The following CUX2 variants were observed in gnomAD, a reference collection of about 807,000 sequenced individuals.
CUX2 encodes the protein cut like homeobox 2, also known as homeobox protein cut-like 2.
In CUX2, 40 loss-of-function variants were observed where a neutral mutation model predicts 144.8. That is an observed-to-expected ratio of 0.28 (90% confidence interval 0.21 to 0.36). CUX2 has a LOEUF of 0.36. Ranked by LOEUF, CUX2 falls within the 10% of genes least tolerant of loss-of-function variation. CUX2 has a pLI of 1.00. For synonymous variants in CUX2, 827 were observed against 875.6 expected (o/e 0.94, Z 0.98); for missense variants, 1,615 against 1,994.0 (o/e 0.81, Z 3.62).
chr12:111,141,941 G>A (rs1037379707), intron 1 of CUX2, among the ~76,000 whole-genome samples: 1 of 152,114 alleles, frequency 6.6e-6, no homozygotes, highest in Non-Finnish European at 1.5e-5. Context: ...AAAATTAGCA[G>A]GGCATGGTGG....
intron 16 of CUX2, among the ~76,000 whole-genome samples, chr12:111,316,582 TG>T (rs1378515156): frequency 3.3e-5 from 5 of 151,118 alleles, no homozygotes; most frequent in Non-Finnish European, 7.4e-5. Context: ...CCTGAGTAGC[TG>T]GGATTACAGG....
At chr12:111,317,003 CCT>C (rs2136390584) in intron 16 of CUX2, among the ~76,000 whole-genome samples, 1 of 152,330 alleles carries the variant, frequency 6.6e-6, no homozygotes, top group Non-Finnish European at 1.5e-5. Context: ...TTGCGTCTGG[CCT>C]CTTTCACTCA....
At position 111,334,630 on chromosome 12, in the gene CUX2, A is replaced by G. The variant is rs1032285112; in HGVS notation, c.3116A>G (p.Glu1039Gly). ...AGCCAGGCCCCAGGGGGCATCCAGG[A>G]GATCGTGGCCATGTCCCCCGAGCTG... is the stretch of plus-strand genomic sequence containing the variant. ...SGSQAPGGIQ[E>G]IVAMSPELDT... is the part of the protein sequence containing the mutation. Residue 1039 changes from glutamate (E) to glycine (G), a missense_variant, in exon 19 of 22, where the codon GAG (glutamate) becomes GGG (glycine). Transcript: ENST00000261726. 1 of 1,614,050 alleles carries G rather than the reference A, an allele frequency of 6.2e-7. No individual in the cohort carries two copies. The highest frequency in any genetic ancestry group is 1.3e-5 in the African/African-American group (1 of 75,056).
chr12:111,268,496 C>T (rs1003331071), intron 4 of CUX2, among the ~76,000 whole-genome samples: 1 of 152,254 alleles, frequency 6.6e-6, no homozygotes, highest in Non-Finnish European at 1.5e-5. Flanking sequence ...GCTGCCTGGT[C>T]CCATGCTCCA....
At chr12:111,104,757 G>A (rs906053167) in intron 1 of CUX2, among the ~76,000 whole-genome samples, 2 of 152,182 alleles carry the variant, frequency 1.3e-5, no homozygotes, top group African/African-American at 4.8e-5. Flanking sequence ...ACCAGAGGAG[G>A]AAACAGCAGC....
rs1006476483 is a variant in CUX2, at chr12:111,277,221, C to A, written c.301+13382C>A. ...CAGCTGCCACCCTCGGCCATAGCAC[C>A]CCGCCCTCCCAGCCTGCGCAGGGAG... On this transcript the variant is annotated intron_variant, in intron 4 of 21. Transcript: ENST00000261726. The surrounding 1 kb of genome is among the most constrained non-coding windows in gnomAD (Gnocchi z 5.0). Among the ~76,000 whole-genome samples the A allele has an allele frequency of 1.2e-4, 19 of 152,096 alleles. No individual in the cohort carries two copies. The highest frequency in any genetic ancestry group is 4.3e-4 in the African/African-American group (18 of 41,418).
intron 1 of CUX2, among the ~76,000 whole-genome samples, chr12:111,036,373 T>C (rs1292726129): frequency 6.6e-6 from 1 of 152,132 alleles, no homozygotes. Flanking sequence ...GGGGCTAATG[T>C]CTGAACTAGG....
At chr12:111,118,619 A>G (rs1874438824) in intron 1 of CUX2, among the ~76,000 whole-genome samples, 1 of 152,096 alleles carries the variant, frequency 6.6e-6, no homozygotes, top group Non-Finnish European at 1.5e-5. Context: ...TGGCCCTCCC[A>G]ATGGATCCAA....
At position 111,349,872 on chromosome 12, in the gene CUX2, A is replaced by T. The variant is rs1888981441; in HGVS notation, c.*1547A>T. 1 of 152,228 alleles carries T rather than the reference A, an allele frequency of 6.6e-6. No homozygotes were observed. The highest frequency in any genetic ancestry group is 2.4e-5 in the African/African-American group (1 of 41,446). The allele number at this position is 152,228 out of a possible 1,614,324, so 9.4% of individuals were successfully genotyped here. On this transcript the variant is annotated 3_prime_UTR_variant, in exon 22 of 22. Coordinates refer to ENST00000261726, the MANE Select transcript of CUX2 (RefSeq NM_015267.4). ...TGCCAATGTAATGCCAGCGGGTGAG[A>T]TGGCCGATGGAGGTTTCAAAGATGT...
chr12:111,276,567 G>C (rs1163084953), intron 4 of CUX2, among the ~76,000 whole-genome samples: 1 of 152,104 alleles, frequency 6.6e-6, no homozygotes, highest in African/African-American at 2.4e-5. Context: ...CCTCGGCTAG[G>C]CCTCAGTGTT....
intron 19 of CUX2, among the ~76,000 whole-genome samples, chr12:111,336,150 C>G (rs1888340007): frequency 6.6e-6 from 1 of 152,124 alleles, no homozygotes; most frequent in African/African-American, 2.4e-5. Flanking sequence ...TCAGTCCTCA[C>G]CCGGTGCTGA....
At chr12:111,177,797 C>T (rs1217402189) in intron 1 of CUX2, among the ~76,000 whole-genome samples, 1 of 152,206 alleles carries the variant, frequency 6.6e-6, no homozygotes, top group Admixed American at 6.5e-5. Flanking sequence ...GGCCCGAGGC[C>T]TGGGTTAGCA....
rs1869370700 is a variant in CUX2 at position 111,035,184 on chromosome 12, T to G, written c.63+944T>G. ...CCTGCGTTTCTCCCCGCTGCTCCCCTCGTCTCCTCTCTCCCGTCTCTGCTT... is the reference window on the plus strand; with the variant it reads ...CCTGCGTTTCTCCCCGCTGCTCCCCGCGTCTCCTCTCTCCCGTCTCTGCTT... On this transcript the variant is annotated intron_variant, in intron 1 of 21. Coordinates refer to ENST00000261726, the MANE Select transcript of CUX2 (RefSeq NM_015267.4). This position sits in a 1 kb window ranked among gnomAD's most constrained non-coding sequence, Gnocchi z 6.0. Among the ~76,000 whole-genome samples the G allele has an allele frequency of 6.6e-6, 1 of 152,212 alleles. No homozygotes were observed. Among genetic ancestry groups the G allele is most frequent in the Non-Finnish European group, 1.5e-5 (1 of 68,028 alleles).
rs1870784699 is a variant in CUX2 at position 111,061,770 on chromosome 12, CT to C, written c.63+27536del. Among the ~76,000 whole-genome samples the C allele has an allele frequency of 6.6e-6, 1 of 152,146 alleles. No homozygotes were observed. Among genetic ancestry groups the C allele is most frequent in the Admixed American group, 6.5e-5 (1 of 15,274 alleles). On this transcript the variant is annotated intron_variant, in intron 1 of 21. Transcript: ENST00000261726. The surrounding 1 kb of genome is among the most constrained non-coding windows in gnomAD (Gnocchi z 4.2). ...GTATCTCTGGGTTTTTTGTCGTTTT[CT>C]TTTTTCTGCTGTGATGGAAACACTG...
chr12:111,095,585 G>A (rs1418051731), intron 1 of CUX2, among the ~76,000 whole-genome samples: 1 of 152,166 alleles, frequency 6.6e-6, no homozygotes, highest in East Asian at 1.9e-4. Flanking sequence ...ATGAGGTAAG[G>A]AGGGAAATGA....
chr12:111,243,154 C>T (rs1883114664), intron 3 of CUX2, among the ~76,000 whole-genome samples: 1 of 152,046 alleles, frequency 6.6e-6, no homozygotes, highest in African/African-American at 2.4e-5. Flanking sequence ...GGAAAAAATC[C>T]AGCATACAAA....
intron 4 of CUX2, among the ~76,000 whole-genome samples, chr12:111,288,435 G>A (rs765809661): frequency 2.0e-5 from 3 of 152,054 alleles, no homozygotes; most frequent in Non-Finnish European, 2.9e-5. Context: ...AGCAAGTATA[G>A]ATTAGCAGAC....
At chr12:111,216,244 A>G (rs1268530140) in intron 2 of CUX2, among the ~76,000 whole-genome samples, 1 of 152,188 alleles carries the variant, frequency 6.6e-6, no homozygotes, top group African/African-American at 2.4e-5. Flanking sequence ...CTGGGCTCAA[A>G]TTCTAGCTGC....
intron 1 of CUX2, among the ~76,000 whole-genome samples, chr12:111,199,445 C>T (rs1347809561): frequency 2.0e-5 from 3 of 152,090 alleles, no homozygotes; most frequent in Non-Finnish European, 4.4e-5. Flanking sequence ...CAGACTCAGG[C>T]GTTAGGATTT....
Sources: gnomAD v4.1 joint callset for allele counts (sites outside exome capture counted in the v4.1 genomes callset) on GRCh38, gnomAD v4.1.1 for gene constraint, Gnocchi (gnomAD v3.1) non-coding constraint, MANE v1.5 for transcripts, NCBI Gene and HGNC (gene_info 2026-07-23, HGNC 2026-07-21) for gene names.